Variants in SIPA1L1 observed in about 807,000 individuals in gnomAD.
SIPA1L1 encodes signal-induced proliferation-associated 1-like protein 1.
In SIPA1L1, 26 loss-of-function variants were observed where a neutral mutation model predicts 162.7. The observed-to-expected ratio is 0.16, with a 90% CI of 0.12 to 0.22. The LOEUF (loss-of-function observed/expected upper bound fraction) is 0.22, where lower values mean the gene tolerates loss of function less well. SIPA1L1 is among the 10% of genes least tolerant of loss of function. The pLI, the probability that SIPA1L1 is intolerant of heterozygous loss-of-function variation, is 1.00. For missense variants in SIPA1L1, 1,874 were observed against 2,241.0 expected (o/e 0.84, Z 3.31); for synonymous variants, 829 against 837.4 (o/e 0.99, Z 0.17).
chr14:71,547,047 G>C (rs1188411558), intron 4 of SIPA1L1, among the ~76,000 whole-genome samples: 1 of 151,518 alleles, frequency 6.6e-6, no homozygotes, highest in Non-Finnish European at 1.5e-5. Flanking sequence ...CTATATTGTG[G>C]TGCTTATTGC....
At chr14:71,664,779 G>C (rs1248352811) in intron 10 of SIPA1L1, among the ~76,000 whole-genome samples, 1 of 152,182 alleles carries the variant, frequency 6.6e-6, no homozygotes, top group Non-Finnish European at 1.5e-5. Context: ...ACTGTGGAAA[G>C]GGGAGAAGTT....
chr14:71,429,032 G>A (rs1293600504), intron 2 of SIPA1L1, among the ~76,000 whole-genome samples: 1 of 152,200 alleles, frequency 6.6e-6, no homozygotes, highest in African/African-American at 2.4e-5. Flanking sequence ...TGGGCGGGAA[G>A]ACAGATTCCT....
intron 12 of SIPA1L1, among the ~76,000 whole-genome samples, chr14:71,676,688 A>G (rs923059456): frequency 7.7e-6 from 1 of 130,718 alleles, no homozygotes; most frequent in Non-Finnish European, 1.5e-5. Flanking sequence ...AAGTGTTCTC[A>G]TTATTCAGTT....
At chr14:71,431,457 C>T (rs1005482949) in intron 2 of SIPA1L1, among the ~76,000 whole-genome samples, 8 of 152,112 alleles carry the variant, frequency 5.3e-5, no homozygotes, top group African/African-American at 1.9e-4. Context: ...ACTTGGGAGG[C>T]TGAGGCAGGA....
chr14:71,534,527 T>G (rs2053724011), intron 4 of SIPA1L1, among the ~76,000 whole-genome samples: 1 of 152,180 alleles, frequency 6.6e-6, no homozygotes, highest in African/African-American at 2.4e-5. Context: ...GCTTTCCCAA[T>G]TTTGTGAATG....
At chr14:71,429,956 A>G (rs965846231) in intron 2 of SIPA1L1, among the ~76,000 whole-genome samples, 1 of 152,216 alleles carries the variant, frequency 6.6e-6, no homozygotes, top group African/African-American at 2.4e-5. Flanking sequence ...CTTTTATGTA[A>G]AAGTAACACC....
rs118008557 is a variant in SIPA1L1 at position 71,342,144 on chromosome 14, T to C, written c.-465+20963T>C. 7.0e-4 allele frequency among the ~76,000 whole-genome samples: 107 copies of C among 152,054 alleles called. 1 individual carries two copies. In the East Asian group the frequency reaches 0.013, roughly 19 times the overall value. On this transcript the variant is annotated intron_variant, in intron 2 of 23. Coordinates refer to ENST00000381232, the MANE Select transcript of SIPA1L1 (RefSeq NM_001386936.1). Reference sequence around the variant, plus strand: ...TCAGCCTCCCGAGTAGCTAGAACTGTTGTTGTGCCCCACCATACCTGGCTA... The same window carrying C: ...TCAGCCTCCCGAGTAGCTAGAACTGCTGTTGTGCCCCACCATACCTGGCTA...
chr14:71,424,604 A>G (rs1159368430), intron 2 of SIPA1L1, among the ~76,000 whole-genome samples: 1 of 152,064 alleles, frequency 6.6e-6, no homozygotes, highest in Admixed American at 6.6e-5. Context: ...CCATCCTTGT[A>G]TTCCAGGAAT....
intron 2 of SIPA1L1, among the ~76,000 whole-genome samples, chr14:71,480,469 A>T (rs2048265551): frequency 6.6e-6 from 1 of 151,012 alleles, no homozygotes; most frequent in Non-Finnish European, 1.5e-5. Context: ...AAAAAAAAAA[A>T]AGAAGAAGTC....
At chr14:71,540,070 G>A (rs1006047718) in intron 4 of SIPA1L1, among the ~76,000 whole-genome samples, 6 of 152,178 alleles carry the variant, frequency 3.9e-5, no homozygotes, top group African/African-American at 1.4e-4. Flanking sequence ...GCATTTTATA[G>A]TAAACCTGTG....
chr14:71,576,229 A>T (rs2033005053), intron 4 of SIPA1L1, among the ~76,000 whole-genome samples: 1 of 152,192 alleles, frequency 6.6e-6, no homozygotes, highest in Admixed American at 6.5e-5. Flanking sequence ...TTTAGAAAGG[A>T]GGGTGCCCTG....
chr14:71,704,809 T>C, intron 15 of SIPA1L1: 1 of 1,525,022 alleles, frequency 6.6e-7, no homozygotes, highest in Non-Finnish European at 9.1e-7. Context: ...AGTGTCATGG[T>C]AAGTAACACG....
At position 71,323,814 on chromosome 14, in the gene SIPA1L1, A is replaced by G. The variant is rs934697870; in HGVS notation, c.-465+2633A>G. Among the ~76,000 whole-genome samples, 74 of 152,206 alleles carry G rather than the reference A, an allele frequency of 4.9e-4. 3 individuals are homozygous for G. The highest frequency in any genetic ancestry group is 1.5e-5 in the Non-Finnish European group (1 of 68,038). ...GGTTTCTGTGATTACAGTGATGAGC[A>G]AGAGTGTACCTGGCCACATGGAACT... On this transcript the variant is annotated intron_variant, in intron 2 of 23. Transcript: ENST00000381232.
chr14:71,507,284 T>C (rs996111607), intron 2 of SIPA1L1, among the ~76,000 whole-genome samples: 1 of 151,732 alleles, frequency 6.6e-6, no homozygotes, highest in African/African-American at 2.4e-5. Flanking sequence ...TTGTGCCTAA[T>C]TTTTTTTTCC....
intron 2 of SIPA1L1, among the ~76,000 whole-genome samples, chr14:71,480,841 A>G (rs549221072): frequency 6.6e-6 from 1 of 152,210 alleles, no homozygotes; most frequent in Admixed American, 6.5e-5. Context: ...AAAATACAAG[A>G]ACAAACTAGA....
intron 12 of SIPA1L1, among the ~76,000 whole-genome samples, chr14:71,681,245 C>T (rs1168177990): frequency 2.0e-5 from 3 of 152,180 alleles, no homozygotes; most frequent in Admixed American, 6.5e-5. Flanking sequence ...GCTGTCACCC[C>T]TCTGCAGTAG....
intron 16 of SIPA1L1, 89 bp downstream of exon 16, chr14:71,705,429 T>C (rs902261161): frequency 6.2e-6 from 6 of 964,196 alleles, no homozygotes; most frequent in Non-Finnish European, 6.6e-6. Context: ...TTCCTCTGCA[T>C]GGCCAAAGAG....
chr14:71,637,326 TGA>T (rs1044815956), intron 7 of SIPA1L1, among the ~76,000 whole-genome samples: 2 of 151,890 alleles, frequency 1.3e-5, no homozygotes, highest in Non-Finnish European at 2.9e-5. Flanking sequence ...TAAGATATTT[TGA>T]GAGAGAGAGA....
chr14:71,621,565 A>G (rs2039453344), intron 6 of SIPA1L1, among the ~76,000 whole-genome samples: 1 of 152,208 alleles, frequency 6.6e-6, no homozygotes, highest in African/African-American at 2.4e-5. Context: ...CGCTGAATCT[A>G]AAATTTCTAT....
Sources: allele counts gnomAD v4.1 joint callset (sites outside exome capture counted in the v4.1 genomes callset), GRCh38; gene constraint gnomAD v4.1.1; transcripts MANE v1.5; gene names NCBI Gene and HGNC (gene_info 2026-07-23, HGNC 2026-07-21).